Variants in RHBG observed in about 807,000 individuals in gnomAD.
RHBG encodes ammonium transporter Rh type B.
A neutral mutation model predicts 40.1 loss-of-function variants in RHBG; 39 were observed. The observed-to-expected ratio is 0.97, with a 90% confidence interval of 0.75 to 1.27. The LOEUF (loss-of-function observed/expected upper bound fraction) is 1.27. Ranked by LOEUF, RHBG falls within the 50% of genes most tolerant of loss-of-function variation. RHBG has a pLI of 0.00. For synonymous variants in RHBG, 237 were observed against 252.5 expected (o/e 0.94, Z 0.58); for missense variants, 549 against 588.1 (o/e 0.93, Z 0.69).
intron 8 of RHBG, 25 bp downstream of exon 8, chr1:156,382,894 G>A: frequency 6.2e-7 from 1 of 1,614,130 alleles, no homozygotes. Flanking sequence ...ATTTTCTAGA[G>A]GAAGGGGCAT....
chr1:156,383,084 GGGTGAGC>G (rs1269160830), intron 8 of RHBG, among the ~76,000 whole-genome samples: 1 of 152,180 alleles, frequency 6.6e-6, no homozygotes, highest in African/African-American at 2.4e-5. Context: ...AGTCCGCGAG[GGGTGAGC>G]GAGGCCCTCT....
At position 156,382,869 on chromosome 1, in the gene RHBG, G is replaced by A; in HGVS notation, c.1234G>A (p.Gly412Arg). 2 of 1,614,236 alleles carry A rather than the reference G, an allele frequency of 1.2e-6. No homozygotes were observed. The highest frequency in any genetic ancestry group is 1.3e-5 in the African/African-American group (1 of 75,058). ...TGCCTCTGTGGGCGGGGGCCTTGGA[G>A]GTGAGTAACCTTGGATTTTCTAGAG... ...MFASVGGGLG[G>R]LLLKLPFLDS... is the part of the protein sequence containing the mutation. Residue 412 changes from glycine (G) to arginine (R), a missense_variant and splice_region_variant, in exon 8 of 10, where the codon GGG (glycine) becomes AGG (arginine). By Grantham distance (125) the Gly-to-Arg change is moderately radical. Around this residue, in one of 3 missense-constraint regions of RHBG, gnomAD observed 399 missense variants for 417.0 expected, o/e 0.96. Coordinates refer to ENST00000537040, the MANE Select transcript of RHBG (RefSeq NM_020407.5).
At chr1:156,384,733 C>T (rs765982983) in intron 9 of RHBG, 44 bp from the exon 10 acceptor site, 42 of 1,598,278 alleles carry the variant, frequency 2.6e-5, no homozygotes, top group Non-Finnish European at 8.6e-7. Context: ...GGCTTCCAGG[C>T]TCCTGGAGCT....
chr1:156,381,901 C>T lies in RHBG; in HGVS notation c.936C>T (p.Phe312=). 1 of 1,609,200 alleles carries T rather than the reference C, an allele frequency of 6.2e-7. No individual in the cohort carries two copies. Among genetic ancestry groups the T allele is most frequent in the Non-Finnish European group, 8.5e-7 (1 of 1,178,994 alleles). Residue 312 remains phenylalanine (F), a synonymous_variant, in exon 6 of 10, where the codon TTC becomes TTT. Transcript: ENST00000537040. The part of the protein sequence containing the change: ...LTPFGALAAG[F]LAGTVSTLGY... Reference sequence around the variant, plus strand: ...CCTTTGGGGCTCTGGCAGCTGGCTTCTTGGCTGGGACTGTCTCCACGCTGG... The same window carrying T: ...CCTTTGGGGCTCTGGCAGCTGGCTTTTTGGCTGGGACTGTCTCCACGCTGG...
At chr1:156,375,746 C>CTT (rs796596179) in intron 1 of RHBG, among the ~76,000 whole-genome samples, 24 of 145,800 alleles carry the variant, frequency 1.6e-4, no homozygotes, top group African/African-American at 6.0e-4. Context: ...TTTTCTTTTT[C>CTT]TTTTTTTTTT....
At chr1:156,376,445 C>T (rs551792275) in intron 1 of RHBG, among the ~76,000 whole-genome samples, 1 of 151,404 alleles carries the variant, frequency 6.6e-6, no homozygotes, top group South Asian at 2.1e-4. Flanking sequence ...CTTACTGCAG[C>T]GTCTGCCTCC....
chr1:156,378,476 C>T (rs114322922), intron 4 of RHBG, 77 bp downstream of exon 4: 9 of 1,499,292 alleles, frequency 6.0e-6, no homozygotes, highest in African/African-American at 2.8e-5. Context: ...GACTGTCTCT[C>T]GGGGTGCTGA....
chr1:156,384,234 C>A (rs1225253365), intron 8 of RHBG, among the ~76,000 whole-genome samples: 1 of 152,230 alleles, frequency 6.6e-6, no homozygotes, highest in Non-Finnish European at 1.5e-5. Flanking sequence ...ACCAACTGCA[C>A]ACACTTGAGC....
chr1:156,381,988 T>C, intron 6 of RHBG, 45 bp downstream of exon 6: 5 of 1,609,572 alleles, frequency 3.1e-6, no homozygotes, highest in Non-Finnish European at 4.2e-6. Flanking sequence ...GAGTCTTTGG[T>C]ACCTTTCCTC....
rs755581053 is a variant in RHBG, at chr1:156,369,267, C to A, written c.18C>A (p.Ser6Arg). The change falls in exon 1 of 10, where the codon AGC (serine) becomes AGA (arginine). Residue 6 changes from serine to arginine, a missense_variant. Ser to Arg is a moderately radical substitution (Grantham distance 110). Transcript: ENST00000537040. The part of the protein sequence containing the change: MAGSP[S>R]RAAGRRLQLP... The stretch of plus-strand genomic sequence containing the variant: ...CCCAACCCATGGCCGGGTCTCCTAG[C>A]CGCGCCGCGGGCCGGCGACTGCAGC... 2 of 1,613,354 alleles carry A rather than the reference C, an allele frequency of 1.2e-6. No individual in the cohort carries two copies. Among genetic ancestry groups the A allele is most frequent in the South Asian group, 1.1e-5 (1 of 91,034 alleles).
rs140197062 is a variant in RHBG at position 156,371,229 on chromosome 1, G to A, written c.187+1793G>A. The A allele has an allele frequency of 5.1e-3, 1,949 of 383,522 alleles. 37 individuals are homozygous for A. The highest frequency in any genetic ancestry group is 0.041 in the African/African-American group (1,832 of 44,504). 23.8% of individuals were successfully genotyped at this position (383,522 alleles called of 1,614,324 possible). A position where few individuals can be genotyped will look rare whatever the true frequency, so the allele number is the denominator to read the frequency against. ...GGCTGGAGTGCAACGGCGCAATCTC[G>A]GCTCACTGCAACCTTCACCTCCCAG... On this transcript the variant is annotated intron_variant, in intron 1 of 9. Coordinates refer to ENST00000537040, the MANE Select transcript of RHBG (RefSeq NM_020407.5).
At chr1:156,372,330 T>C (rs957140702) in intron 1 of RHBG, among the ~76,000 whole-genome samples, 1 of 152,140 alleles carries the variant, frequency 6.6e-6, no homozygotes, top group African/African-American at 2.4e-5. Context: ...TGATTGCCCA[T>C]CTGTGGCCTT....
In RHBG at chr1:156,378,279, A is replaced by G. The variant is rs772597007; in HGVS notation, c.553A>G (p.Ile185Val). 2.5e-6 allele frequency: 4 copies of G among 1,613,892 alleles called. No homozygotes were observed. The highest frequency in any genetic ancestry group is 4.5e-5 in the East Asian group (2 of 44,858). Residue 185 changes from isoleucine to valine, a missense_variant, in exon 4 of 10, where the codon ATC becomes GTC. Ile to Val is a conservative substitution (Grantham distance 29, BLOSUM62 3). Around this residue, in one of 3 missense-constraint regions of RHBG, gnomAD observed 399 missense variants for 417.0 expected, o/e 0.96. Coordinates refer to ENST00000537040, the MANE Select transcript of RHBG (RefSeq NM_020407.5). ...GVRDAGGSMT[I>V]HTFGAYFGLV... ...GAGAGATGCCGGAGGCTCCATGACTATCCACACCTTTGGTGCCTACTTCGG... is the reference window on the plus strand; with the variant it reads ...GAGAGATGCCGGAGGCTCCATGACTGTCCACACCTTTGGTGCCTACTTCGG...
chr1:156,369,330 C>G lies in RHBG; in HGVS notation c.81C>G (p.Ala27=). 1 of 1,614,250 alleles carries G rather than the reference C, an allele frequency of 6.2e-7. No individual in the cohort carries two copies. The highest frequency in any genetic ancestry group is 8.5e-7 in the Non-Finnish European group (1 of 1,180,050). Residue 27 remains alanine (A), a synonymous_variant, in exon 1 of 10, where the codon GCC becomes GCG. Coordinates refer to ENST00000537040, the MANE Select transcript of RHBG (RefSeq NM_020407.5). The part of the protein sequence containing the change: ...LLCLFLQGAT[A]VLFAVFVRYN... ...GCCTCTTCCTCCAGGGCGCCACTGC[C>G]GTCCTCTTTGCTGTCTTTGTCCGCT...
At chr1:156,378,727 C>G (rs1412412427) in intron 4 of RHBG, among the ~76,000 whole-genome samples, 3 of 152,172 alleles carry the variant, frequency 2.0e-5, no homozygotes, top group Admixed American at 1.3e-4. Context: ...CCTCCCTCCT[C>G]GCTGGCTCAG....
Position 156,382,138 on chromosome 1 carries a change from T to C in RHBG, c.1049T>C (p.Val350Ala), listed in dbSNP as rs755071953. Residue 350 changes from valine to alanine, a missense_variant, in exon 7 of 10, where the codon GTC becomes GCC. Around this residue, in one of 3 missense-constraint regions of RHBG, gnomAD observed 399 missense variants for 417.0 expected, o/e 0.96. Coordinates refer to ENST00000537040, the MANE Select transcript of RHBG (RefSeq NM_020407.5). ...GVHNLHGMPGVLGALLGVLVA... is the reference protein window; with the variant it reads ...GVHNLHGMPGALGALLGVLVA... ...CACAACCTCCATGGGATGCCGGGGG[T>C]CCTGGGGGCCCTCCTGGGGGTCCTT... 6.2e-7 allele frequency: 1 copy of C among 1,613,698 alleles called. No individual in the cohort carries two copies. Among genetic ancestry groups the C allele is most frequent in the South Asian group, 1.1e-5 (1 of 91,038 alleles).
chr1:156,379,317 T>C (rs757172726), intron 4 of RHBG, among the ~76,000 whole-genome samples: 2 of 152,190 alleles, frequency 1.3e-5, no homozygotes, highest in African/African-American at 2.4e-5. Flanking sequence ...CTTCTAAGCA[T>C]GTGCCTCCAC....
At chr1:156,378,207 C>A in intron 3 of RHBG, 45 bp from the exon 4 acceptor site, 2 of 250,034 alleles carry the variant, frequency 8.0e-6, no homozygotes, top group Non-Finnish European at 1.4e-5. Flanking sequence ...GAGCCAGGAG[C>A]GTGGGGGTGG....
chr1:156,382,596 G>A, intron 7 of RHBG, 152 bp from the exon 8 acceptor site: 1 of 924,620 alleles, frequency 1.1e-6, no homozygotes, highest in African/African-American at 1.6e-5. Context: ...CAGTGGCCTG[G>A]AGGTGAGACT....
Sources: allele counts gnomAD v4.1 joint callset (sites outside exome capture counted in the v4.1 genomes callset), GRCh38; gene constraint gnomAD v4.1.1; regional missense constraint gnomAD v4.1.1; transcripts MANE v1.5; gene names NCBI Gene and HGNC (gene_info 2026-07-23, HGNC 2026-07-21).